Variants in FAM90A20 observed in about 807,000 individuals in gnomAD.
FAM90A20 encodes family with sequence similarity 90 member A20, also known as protein FAM90A20.
the FAM90A20 span, chr8:7,295,559 C>T: frequency 1.5e-6 from 1 of 669,676 alleles, no homozygotes; most frequent in Non-Finnish European, 2.6e-6. Flanking sequence ...CACAATCCAT[C>T]CCAATGTTAA....
At chr8:7,297,910 C>A in the FAM90A20 span, 4 of 729,356 alleles carry the variant, frequency 5.5e-6, no homozygotes, top group Admixed American at 4.1e-5. Context: ...TCGCTCAGAG[C>A]CCTCATGTGT....
chr8:7,297,953 C>T, the FAM90A20 span: 4 of 680,954 alleles, frequency 5.9e-6, no homozygotes, highest in South Asian at 3.0e-5. Context: ...TGTTCGTGTC[C>T]CACCGAGCGT....
chr8:7,297,278 C>T, the FAM90A20 span: 4 of 1,369,632 alleles, frequency 2.9e-6, 1 homozygote, highest in African/African-American at 4.3e-5. Flanking sequence ...TGCAGTCAGG[C>T]ACCAGGTCCA....
chr8:7,297,525 A>C, the FAM90A20 span: 2 of 1,519,090 alleles, frequency 1.3e-6, no homozygotes, highest in East Asian at 2.2e-5. Context: ...GCTCCGATTC[A>C]GGCTTGCCTG....
chr8:7,297,688 G>A, the FAM90A20 span: 3 of 1,400,584 alleles, frequency 2.1e-6, 1 homozygote, highest in South Asian at 1.1e-5. Context: ...GGAGGACACC[G>A]GCCCAGGTGC....
At chr8:7,297,758 A>G in the FAM90A20 span, 5 of 1,477,268 alleles carry the variant, frequency 3.4e-6, 1 homozygote, top group African/African-American at 8.2e-5. Context: ...CCAGGCCTGC[A>G]CCATGTCCCA....
the FAM90A20 span, chr8:7,297,148 G>A: frequency 2.6e-6 from 4 of 1,528,280 alleles, no homozygotes; most frequent in Admixed American, 1.7e-5. Flanking sequence ...CTACCGAAAT[G>A]TCTGGCAGGG....
the FAM90A20 span, among the ~76,000 whole-genome samples, chr8:7,296,074 A>C: frequency 0.016 from 2,010 of 128,554 alleles, 287 homozygotes; most frequent in Non-Finnish European, 0.018. Context: ...GGGGAAAAGC[A>C]ATGGAATCCA....
At chr8:7,297,492 C>T in the FAM90A20 span, 2 of 1,530,732 alleles carry the variant, frequency 1.3e-6, no homozygotes, top group Admixed American at 1.7e-5. Context: ...AGCTTTGGGT[C>T]AGGAGCCAAG....
chr8:7,297,448 C>T, the FAM90A20 span: 18 of 1,553,090 alleles, frequency 1.2e-5, 5 homozygotes, highest in African/African-American at 2.9e-4. Flanking sequence ...GCCCATCAGC[C>T]GCCACACACA....
At chr8:7,295,687 C>G in the FAM90A20 span, 41 of 724,748 alleles carry the variant, frequency 5.7e-5, 8 homozygotes, top group East Asian at 1.1e-3. Flanking sequence ...CCAGGTGCCC[C>G]ATGAAGTGCT....
chr8:7,296,543 A>C, the FAM90A20 span: 5 of 610,562 alleles, frequency 8.2e-6, 2 homozygotes, highest in South Asian at 5.0e-5. Context: ...CTTGCAGGTC[A>C]GTTTGATTCC....
the FAM90A20 span, chr8:7,295,669 C>T: frequency 1.4e-6 from 1 of 721,444 alleles, no homozygotes; most frequent in African/African-American, 3.3e-5. Context: ...GCCACACGGC[C>T]AGAAGTACCA....
the FAM90A20 span, among the ~76,000 whole-genome samples, chr8:7,296,685 T>G: frequency 1.6e-3 from 222 of 135,518 alleles, 27 homozygotes; most frequent in Middle Eastern, 6.9e-3. Flanking sequence ...TGGAGAAGGC[T>G]AAACCCAGGA....
the FAM90A20 span, chr8:7,297,212 T>G: frequency 6.5e-7 from 1 of 1,530,570 alleles, no homozygotes; most frequent in Non-Finnish European, 8.8e-7. Flanking sequence ...GAGCTCCTCC[T>G]CAAGTCTTGG....
chr8:7,297,170 G>T, the FAM90A20 span: 40 of 1,536,754 alleles, frequency 2.6e-5, 3 homozygotes, highest in South Asian at 4.4e-4. Flanking sequence ...CTCCGTCTTG[G>T]CTTCACTGTC....
At chr8:7,296,356 C>A in the FAM90A20 span, 1 of 746,378 alleles carries the variant, frequency 1.3e-6, no homozygotes, top group Non-Finnish European at 2.4e-6. Context: ...GAAGCCGCTG[C>A]CGAATGGAAA....
At chr8:7,297,386 G>T in the FAM90A20 span, 9 of 1,516,922 alleles carry the variant, frequency 5.9e-6, 1 homozygote, top group South Asian at 8.9e-5. Context: ...CCTGCTCCAG[G>T]CCGTCAGAAC....
the FAM90A20 span, chr8:7,297,164 G>A: frequency 4.0e-5 from 62 of 1,534,012 alleles, 6 homozygotes; most frequent in South Asian, 2.5e-4. Flanking sequence ...CAGGGGCTCC[G>A]TCTTGGCTTC....
Sources: allele counts gnomAD v4.1 joint callset (sites outside exome capture counted in the v4.1 genomes callset), GRCh38; gene constraint gnomAD v4.1.1; transcripts MANE v1.5; gene names NCBI Gene and HGNC (gene_info 2026-07-23, HGNC 2026-07-21).